The following TCF12 variants were observed in gnomAD, a reference collection of about 807,000 sequenced individuals.
The protein encoded by TCF12 is DNA-binding protein HTF4.
In TCF12, 45 loss-of-function variants were observed where a neutral mutation model predicts 86.0. The ratio of observed to expected loss-of-function variants is 0.52; its 90% CI spans 0.41 to 0.67. TCF12 has a LOEUF of 0.67. TCF12 is among the 30% of genes least tolerant of loss of function. TCF12 has a pLI of 0.00. For missense variants in TCF12, 881 were observed against 859.9 expected (o/e 1.02, Z -0.31); for synonymous variants, 330 against 299.6 (o/e 1.10, Z -1.05).
intron 16 of TCF12, among the ~76,000 whole-genome samples, chr15:57,261,390 A>T (rs1447951045): frequency 1.3e-5 from 2 of 152,124 alleles, no homozygotes; most frequent in Non-Finnish European, 2.9e-5. Flanking sequence ...ATAAACTTGC[A>T]TAGGGGTATT....
At chr15:57,207,917 T>C (rs1032042823) in intron 8 of TCF12, among the ~76,000 whole-genome samples, 2 of 152,144 alleles carry the variant, frequency 1.3e-5, no homozygotes, top group Admixed American at 6.5e-5. Context: ...CAGGAGAATA[T>C]GAATCCCTTC....
At chr15:57,244,462 T>G (rs1184494625) in intron 13 of TCF12, among the ~76,000 whole-genome samples, 1 of 152,046 alleles carries the variant, frequency 6.6e-6, no homozygotes, top group Non-Finnish European at 1.5e-5. Flanking sequence ...GGTTCACATT[T>G]GTTTTTGTTT....
At chr15:57,040,588 G>T (rs2141444239) in intron 3 of TCF12, among the ~76,000 whole-genome samples, 1 of 152,274 alleles carries the variant, frequency 6.6e-6, no homozygotes, top group East Asian at 1.9e-4. Context: ...TTTTTAGGCT[G>T]GTATTCAGTA....
intron 3 of TCF12, among the ~76,000 whole-genome samples, chr15:56,930,083 CA>C (rs780626027): frequency 1.3e-5 from 2 of 152,178 alleles, no homozygotes; most frequent in Non-Finnish European, 2.9e-5. Context: ...ACAGTGAACA[CA>C]GGTTGGACTT....
intron 4 of TCF12, among the ~76,000 whole-genome samples, chr15:57,086,578 G>C (rs769171819): frequency 1.1e-4 from 17 of 151,828 alleles, no homozygotes; most frequent in African/African-American, 3.6e-4. Context: ...AGTAGGAGCC[G>C]TGCAATGATG....
At chr15:57,055,623 A>G (rs1255373851) in intron 3 of TCF12, among the ~76,000 whole-genome samples, 4 of 151,770 alleles carry the variant, frequency 2.6e-5, no homozygotes, top group African/African-American at 9.7e-5. Flanking sequence ...TTTTTTTCAC[A>G]TCTGCTGGCA....
At chr15:56,993,288 A>G (rs1349671734) in intron 3 of TCF12, among the ~76,000 whole-genome samples, 2 of 152,184 alleles carry the variant, frequency 1.3e-5, no homozygotes, top group Admixed American at 6.5e-5. Context: ...TTCCCAAGCA[A>G]CCGTGTGGTA....
chr15:57,055,121 C>T (rs1201251348), intron 3 of TCF12, among the ~76,000 whole-genome samples: 4 of 152,100 alleles, frequency 2.6e-5, no homozygotes, highest in Admixed American at 1.3e-4. Flanking sequence ...TCAACCTGGG[C>T]CAGGTGCGTT....
At chr15:57,064,719 C>G (rs1228355163) in intron 4 of TCF12, among the ~76,000 whole-genome samples, 1 of 144,460 alleles carries the variant, frequency 6.9e-6, no homozygotes, top group Non-Finnish European at 1.5e-5. Flanking sequence ...TCGCTTGAAC[C>G]TGGGAGGCAG....
chr15:57,096,335 G>A (rs141495617), intron 5 of TCF12, among the ~76,000 whole-genome samples: 37 of 152,040 alleles, frequency 2.4e-4, no homozygotes, highest in African/African-American at 8.9e-4. Context: ...TGTAAAGAGC[G>A]TCATTAGCTT....
intron 8 of TCF12, among the ~76,000 whole-genome samples, chr15:57,223,574 C>T (rs777617209): frequency 5.4e-5 from 8 of 147,174 alleles, no homozygotes; most frequent in Non-Finnish European, 1.2e-4. Context: ...AGCAAGTCTC[C>T]TCTTCTAATA....
At position 57,273,234 on chromosome 15, in the gene TCF12, C is replaced by A; in HGVS notation, c.1950C>A (p.Val650=). ...KLLILHQAVA[V]ILSLEQQVRE... is the part of the protein sequence containing the mutation. The stretch of plus-strand genomic sequence containing the variant: ...TTATTCTTCATCAAGCCGTGGCAGT[C>A]ATCCTTAGTCTAGAACAGCAAGTCA... Residue 650 remains valine (V), a synonymous_variant, in exon 19 of 21, where the codon GTC becomes GTA. Transcript: ENST00000333725. 2 of 1,614,132 alleles carry A rather than the reference C, an allele frequency of 1.2e-6. No homozygotes were observed. The highest frequency in any genetic ancestry group is 1.7e-6 in the Non-Finnish European group (2 of 1,180,016).
chr15:57,009,328 C>A (rs1383689513), intron 3 of TCF12, among the ~76,000 whole-genome samples: 1 of 152,122 alleles, frequency 6.6e-6, no homozygotes, highest in Non-Finnish European at 1.5e-5. Flanking sequence ...CCAGGCTGGT[C>A]TCACACTCCT....
intron 3 of TCF12, among the ~76,000 whole-genome samples, chr15:57,026,405 C>T (rs116525341): frequency 0.012 from 1,755 of 152,248 alleles, 32 homozygotes; most frequent in African/African-American, 0.04. Context: ...GCCTAGTGTC[C>T]TGTTACTGAT....
intron 13 of TCF12, among the ~76,000 whole-genome samples, chr15:57,250,535 C>T (rs2152004134): frequency 6.6e-6 from 1 of 152,180 alleles, no homozygotes; most frequent in Middle Eastern, 3.4e-3. Flanking sequence ...TCGAGACCAG[C>T]CTGGCCAACG....
intron 8 of TCF12, among the ~76,000 whole-genome samples, chr15:57,207,107 C>CA (rs1300610613): frequency 1.3e-5 from 2 of 151,506 alleles, no homozygotes; most frequent in Non-Finnish European, 2.9e-5. Context: ...ACCCTGTCCC[C>CA]AAAAAAACAA....
intron 3 of TCF12, among the ~76,000 whole-genome samples, chr15:57,062,207 C>T (rs902359754): frequency 1.3e-5 from 2 of 152,068 alleles, no homozygotes; most frequent in East Asian, 1.9e-4. Context: ...CTGCCCGCCT[C>T]GGCCTCCCAA....
At chr15:57,033,760 A>G (rs1306581389) in intron 3 of TCF12, among the ~76,000 whole-genome samples, 16 of 152,222 alleles carry the variant, frequency 1.1e-4, no homozygotes, top group African/African-American at 3.9e-4. Flanking sequence ...AAGATGTACC[A>G]TTAACTAAAA....
intron 3 of TCF12, among the ~76,000 whole-genome samples, chr15:56,963,241 G>T (rs1433140914): frequency 6.6e-6 from 1 of 151,928 alleles, no homozygotes; most frequent in South Asian, 2.1e-4. Context: ...GGAATGTGGG[G>T]CAATATAACT....
Sources: allele counts gnomAD v4.1 joint callset (sites outside exome capture counted in the v4.1 genomes callset), GRCh38; gene constraint gnomAD v4.1.1; transcripts MANE v1.5; gene names NCBI Gene and HGNC (gene_info 2026-07-23, HGNC 2026-07-21).